Variants in DCAF6 observed in about 807,000 individuals in gnomAD.
DCAF6 encodes DDB1- and CUL4-associated factor 6.
In DCAF6, 54 loss-of-function variants were observed where a neutral mutation model predicts 125.1. That is an observed-to-expected ratio of 0.43 (90% confidence interval 0.35 to 0.54). The LOEUF (loss-of-function observed/expected upper bound fraction) is 0.54. Ranked by LOEUF, DCAF6 falls within the 20% of genes least tolerant of loss-of-function variation. The pLI, the probability that DCAF6 is intolerant of heterozygous loss-of-function variation, is 0.01. For synonymous variants in DCAF6, 371 were observed against 390.4 expected (o/e 0.95, Z 0.58); for missense variants, 934 against 1,161.7 (o/e 0.80, Z 2.85).
At chr1:167,884,743 G>A in the DCAF6 span, among the ~76,000 whole-genome samples, 195 of 146,728 alleles carry the variant, frequency 1.3e-3, 1 homozygote, top group African/African-American at 4.8e-3. Context: ...TGTTGCTCAG[G>A]CTGGAGTGCA....
chr1:168,009,731 C>G (rs954446805), intron 10 of DCAF6, among the ~76,000 whole-genome samples: 7 of 150,482 alleles, frequency 4.7e-5, no homozygotes, highest in African/African-American at 1.7e-4. Flanking sequence ...TAAGACAAGT[C>G]TTTCATAACT....
the DCAF6 span, chr1:167,918,397 TAATA>T: frequency 7.6e-7 from 1 of 1,323,948 alleles, no homozygotes; most frequent in Non-Finnish European, 1.1e-6. Context: ...TCATCAATAA[TAATA>T]GACAAATTTA....
chr1:168,001,868 T>G (rs1219516106), intron 7 of DCAF6, among the ~76,000 whole-genome samples: 2 of 152,172 alleles, frequency 1.3e-5, no homozygotes, highest in African/African-American at 4.8e-5. Context: ...AGATGTAGAT[T>G]TAATTTATAG....
chr1:167,929,863 A>C, the DCAF6 span, among the ~76,000 whole-genome samples: 1 of 152,210 alleles, frequency 6.6e-6, no homozygotes, highest in South Asian at 2.1e-4. Flanking sequence ...AGGTCATAAA[A>C]TCACTACATT....
the DCAF6 span, among the ~76,000 whole-genome samples, chr1:167,896,352 A>T: frequency 6.6e-6 from 1 of 152,216 alleles, no homozygotes; most frequent in Non-Finnish European, 1.5e-5. Flanking sequence ...CCTAGGGGAT[A>T]CTTATTAATG....
At chr1:168,060,000 T>C (rs1691383411) in intron 17 of DCAF6, among the ~76,000 whole-genome samples, 1 of 152,182 alleles carries the variant, frequency 6.6e-6, no homozygotes, top group African/African-American at 2.4e-5. Context: ...TGTGAGCAGG[T>C]TTTGCATATA....
chr1:168,074,608 T>C (rs1433911379), intron 21 of DCAF6, among the ~76,000 whole-genome samples: 1 of 152,148 alleles, frequency 6.6e-6, no homozygotes, highest in Non-Finnish European at 1.5e-5. Context: ...ACTATTACTG[T>C]AATTAGGATC....
intron 17 of DCAF6, among the ~76,000 whole-genome samples, chr1:168,061,295 G>A (rs1691566007): frequency 6.6e-6 from 1 of 152,108 alleles, no homozygotes; most frequent in Non-Finnish European, 1.5e-5. Flanking sequence ...TTTTAAGTAA[G>A]TCTATATAGC....
rs1688923228 is a variant in DCAF6, at chr1:168,044,531, A to G, written c.1844-54A>G. On this transcript the variant is annotated intron_variant, in intron 14 of 21. Coordinates refer to ENST00000367840, the MANE Select transcript of DCAF6 (RefSeq NM_001198956.2). The stretch of plus-strand genomic sequence containing the variant: ...AGATTTTGGTATTTTCAGCGATTTT[A>G]GAACTAATCCCTCATGGATACCAAG... 6 of 1,327,002 alleles carry G rather than the reference A, an allele frequency of 4.5e-6. No individual in the cohort carries two copies. In the South Asian group the frequency reaches 6.0e-5, roughly 13 times the overall value. 82.2% of individuals were successfully genotyped at this position (1,327,002 alleles called of 1,614,324 possible).
At chr1:167,998,054 T>C (rs1682011938) in intron 7 of DCAF6, among the ~76,000 whole-genome samples, 1 of 152,132 alleles carries the variant, frequency 6.6e-6, no homozygotes, top group Non-Finnish European at 1.5e-5. Context: ...TTAGAGTTAT[T>C]ATATGAGCCA....
chr1:168,041,686 T>G (rs1341440897), intron 13 of DCAF6, among the ~76,000 whole-genome samples: 1 of 151,976 alleles, frequency 6.6e-6, no homozygotes, highest in Non-Finnish European at 1.5e-5. Flanking sequence ...ATTTACTCGG[T>G]TGCTGTGTCT....
chr1:167,885,768 C>T, the DCAF6 span, among the ~76,000 whole-genome samples: 1 of 152,106 alleles, frequency 6.6e-6, no homozygotes, highest in Admixed American at 6.6e-5. Context: ...GCGCCCACCA[C>T]TACGCCCAGC....
chr1:167,874,996 A>T, the DCAF6 span: 1 of 831,906 alleles, frequency 1.2e-6, no homozygotes, highest in Middle Eastern at 2.5e-4. Flanking sequence ...CTATTTTTCT[A>T]TTTCTTAACC....
chr1:167,973,322 T>A (rs1677626871), intron 3 of DCAF6, among the ~76,000 whole-genome samples: 1 of 152,204 alleles, frequency 6.6e-6, no homozygotes, highest in Admixed American at 6.5e-5. Context: ...ATATAATTTA[T>A]TCCCTTATTG....
At chr1:167,924,277 T>C in the DCAF6 span, among the ~76,000 whole-genome samples, 1 of 152,142 alleles carries the variant, frequency 6.6e-6, no homozygotes, top group South Asian at 2.1e-4. Flanking sequence ...TGATAACAAG[T>C]ATGTTCCCAG....
intron 12 of DCAF6, among the ~76,000 whole-genome samples, chr1:168,029,095 G>A (rs1031628304): frequency 2.0e-5 from 3 of 152,056 alleles, no homozygotes; most frequent in Non-Finnish European, 2.9e-5. Flanking sequence ...TTGATCTTTT[G>A]GAAGTTAAAC....
intron 17 of DCAF6, among the ~76,000 whole-genome samples, chr1:168,062,556 A>G (rs1189192214): frequency 1.3e-5 from 2 of 152,066 alleles, no homozygotes; most frequent in African/African-American, 4.8e-5. Flanking sequence ...TTTTTATCCT[A>G]TTATTAGTGA....
chr1:167,978,290 C>T (rs1175546125), intron 4 of DCAF6, among the ~76,000 whole-genome samples: 1 of 152,120 alleles, frequency 6.6e-6, no homozygotes, highest in Non-Finnish European at 1.5e-5. Flanking sequence ...AGAGATAAAG[C>T]CAAATAGTTT....
At chr1:168,056,712 A>G (rs1184243245) in intron 17 of DCAF6, among the ~76,000 whole-genome samples, 1 of 152,244 alleles carries the variant, frequency 6.6e-6, no homozygotes, top group Non-Finnish European at 1.5e-5. Context: ...TTGCAGCAAG[A>G]AACCTCTTTA....
Sources: allele counts gnomAD v4.1 joint callset (sites outside exome capture counted in the v4.1 genomes callset), GRCh38; gene constraint gnomAD v4.1.1; transcripts MANE v1.5; gene names NCBI Gene and HGNC (gene_info 2026-07-23, HGNC 2026-07-21).